The following DLG2 variants were observed in gnomAD, a reference collection of about 807,000 sequenced individuals.
DLG2 encodes the protein discs large MAGUK scaffold protein 2, also known as disks large homolog 2.
In DLG2, 45 loss-of-function variants were observed where a neutral mutation model predicts 132.5. That is an observed-to-expected ratio of 0.34 (90% CI 0.27 to 0.44). The LOEUF (loss-of-function observed/expected upper bound fraction) is 0.44. Ranked by LOEUF, DLG2 falls within the 20% of genes least tolerant of loss-of-function variation. The pLI is 1.00. For missense variants in DLG2, 1,045 were observed against 1,196.9 expected, an observed-to-expected ratio of 0.87 and a Z score of 1.87; for synonymous variants, 424 against 419.6, an observed-to-expected ratio of 1.01 and a Z score of -0.13.
At chr11:84,906,590 T>C in intron 6 of DLG2, among the ~76,000 whole-genome samples, 1 of 152,106 alleles carries the variant, frequency 6.6e-6, no homozygotes, top group Non-Finnish European at 1.5e-5. Flanking sequence ...ATGACGCCCA[T>C]AACTCCTAAG....
At chr11:83,606,055 C>T (rs1360381633) in intron 19 of DLG2, among the ~76,000 whole-genome samples, 2 of 152,112 alleles carry the variant, frequency 1.3e-5, no homozygotes, top group South Asian at 2.1e-4. Context: ...ACAGAGTCAT[C>T]GGTGATTCTT....
chr11:85,160,779 T>C (rs996822114), intron 4 of DLG2, among the ~76,000 whole-genome samples: 33 of 152,142 alleles, frequency 2.2e-4, no homozygotes, highest in African/African-American at 7.0e-4. Context: ...CTATGATCAG[T>C]TGACAGAGGA....
rs1247046450 is a variant in DLG2 at position 85,012,862 on chromosome 11, A to T, written c.357+98799T>A. On this transcript the variant is annotated intron_variant, in intron 6 of 27. Transcript: ENST00000376104. ...GATTTGAATTCCAGCACTGACACTT[A>T]GATGTTAGGTGACTTTTAGACAAAT... 3.9e-5 allele frequency among the ~76,000 whole-genome samples: 6 copies of T among 152,282 alleles called. No homozygotes were observed. In the East Asian group the frequency reaches 1.2e-3, roughly 30 times the overall value.
chr11:84,958,777 C>A (rs2052080955), intron 6 of DLG2, among the ~76,000 whole-genome samples: 1 of 152,146 alleles, frequency 6.6e-6, no homozygotes, highest in Admixed American at 6.5e-5. Flanking sequence ...ATATTTAGGT[C>A]TCTATAAAAT....
chr11:84,912,857 T>A (rs746718023), intron 6 of DLG2, among the ~76,000 whole-genome samples: 1 of 152,204 alleles, frequency 6.6e-6, no homozygotes, highest in Non-Finnish European at 1.5e-5. Flanking sequence ...GAGAAACACA[T>A]AAGCTCTTGA....
chr11:84,897,356 A>G (rs1437397378), intron 6 of DLG2, among the ~76,000 whole-genome samples: 1 of 151,860 alleles, frequency 6.6e-6, no homozygotes, highest in Non-Finnish European at 1.5e-5. Context: ...TAGTTTTTGC[A>G]ATTATGAACA....
At chr11:85,277,803 G>A (rs2077983864) in intron 4 of DLG2, among the ~76,000 whole-genome samples, 1 of 152,138 alleles carries the variant, frequency 6.6e-6, no homozygotes, top group Non-Finnish European at 1.5e-5. Context: ...TTCCAGGAGG[G>A]TAATACATAG....
At chr11:84,215,427 T>G (rs1160776405) in intron 8 of DLG2, among the ~76,000 whole-genome samples, 1 of 144,408 alleles carries the variant, frequency 6.9e-6, no homozygotes, top group South Asian at 2.1e-4. Context: ...GTCTTAACAC[T>G]ATCAATTATT....
intron 3 of DLG2, among the ~76,000 whole-genome samples, chr11:85,417,951 G>A (rs1396836223): frequency 6.6e-6 from 1 of 151,938 alleles, no homozygotes; most frequent in Non-Finnish European, 1.5e-5. Flanking sequence ...GTTCTGCTCT[G>A]ATCCTAGTTA....
At chr11:84,188,139 G>C (rs1479675467) in intron 8 of DLG2, among the ~76,000 whole-genome samples, 3 of 152,090 alleles carry the variant, frequency 2.0e-5, no homozygotes, top group African/African-American at 7.2e-5. Flanking sequence ...CCAAGATCCA[G>C]TTACTAGTTT....
chr11:83,533,693 G>A (rs2095814289), intron 20 of DLG2, among the ~76,000 whole-genome samples: 1 of 152,208 alleles, frequency 6.6e-6, no homozygotes, highest in African/African-American at 2.4e-5. Flanking sequence ...CTACAAGATT[G>A]CAGAAAGATT....
intron 6 of DLG2, among the ~76,000 whole-genome samples, chr11:84,600,160 G>GAAAC: frequency 3.7e-5 from 1 of 27,114 alleles, no homozygotes; most frequent in East Asian, 1.7e-3. Flanking sequence ...AAGAAAGAAG[G>GAAAC]AAAGAAAGAA....
At chr11:85,444,410 T>C (rs1266979434) in intron 3 of DLG2, among the ~76,000 whole-genome samples, 1 of 152,184 alleles carries the variant, frequency 6.6e-6, no homozygotes, top group South Asian at 2.1e-4. Flanking sequence ...AAGAGTGTTA[T>C]AATATCAGTT....
At chr11:85,006,711 T>C (rs2058694126) in intron 6 of DLG2, among the ~76,000 whole-genome samples, 1 of 152,150 alleles carries the variant, frequency 6.6e-6, no homozygotes, top group Admixed American at 6.5e-5. Flanking sequence ...TGAAGGGTTT[T>C]TCTTGTCTCT....
chr11:84,517,020 AAAATAAAT>A (rs58063905), intron 7 of DLG2, among the ~76,000 whole-genome samples: 91 of 101,444 alleles, frequency 9.0e-4, no homozygotes, highest in African/African-American at 1.6e-3. Context: ...AAAAAAATAA[AAAATAAAT>A]AAATAAATAA....
At chr11:85,252,765 A>T (rs2076462808) in intron 4 of DLG2, among the ~76,000 whole-genome samples, 1 of 152,140 alleles carries the variant, frequency 6.6e-6, no homozygotes, top group African/African-American at 2.4e-5. Context: ...TGAAAGCATG[A>T]GGAAAGGCTG....
At chr11:84,361,005 C>T (rs80048814) in intron 7 of DLG2, among the ~76,000 whole-genome samples, 7,438 of 151,670 alleles carry the variant, frequency 0.049, 189 homozygotes, top group Admixed American at 0.069. Flanking sequence ...GGATCAACCA[C>T]AGATTAAGAT....
intron 6 of DLG2, among the ~76,000 whole-genome samples, chr11:84,720,658 A>C (rs2061717414): frequency 6.6e-6 from 1 of 151,956 alleles, no homozygotes; most frequent in Admixed American, 6.6e-5. Flanking sequence ...AATTTGGGGG[A>C]GGTAAAATAA....
At chr11:85,402,130 G>A (rs529299875) in intron 3 of DLG2, among the ~76,000 whole-genome samples, 3 of 152,116 alleles carry the variant, frequency 2.0e-5, no homozygotes, top group Non-Finnish European at 2.9e-5. Context: ...CATGGCACTG[G>A]TACCAAAACA....
Sources: gnomAD v4.1 joint callset for allele counts (sites outside exome capture counted in the v4.1 genomes callset) on GRCh38, gnomAD v4.1.1 for gene constraint, MANE v1.5 for transcripts, NCBI Gene and HGNC (gene_info 2026-07-23, HGNC 2026-07-21) for gene names.